Variants in CCDC12 observed in about 807,000 individuals in gnomAD.
CCDC12 encodes the protein coiled-coil domain containing 12, also known as coiled-coil domain-containing protein 12.
CCDC12 carries 28 observed loss-of-function variants against 25.7 expected under a neutral mutation model. The ratio of observed to expected loss-of-function variants is 1.09; its 90% CI spans 0.81 to 1.50. The LOEUF is 1.50. CCDC12 is among the 40% of genes most tolerant of loss of function. The pLI is 0.00. For synonymous variants in CCDC12, 75 were observed against 87.7 expected (o/e 0.86, Z 0.81); for missense variants, 198 against 210.0 (o/e 0.94, Z 0.35).
chr3:46,975,363 T>C (rs2034934318), intron 1 of CCDC12, among the ~76,000 whole-genome samples: 2 of 151,916 alleles, frequency 1.3e-5, no homozygotes, highest in South Asian at 4.2e-4. Context: ...TTTTGTATTT[T>C]CAGTAGAAAT....
upstream of CCDC12, chr3:46,979,757 C>G (rs1425477467): frequency 3.0e-6 from 1 of 337,028 alleles, no homozygotes; most frequent in African/African-American, 2.2e-5. Context: ...CGCTCCGCCC[C>G]GGAGTGACGC....
At chr3:46,934,889 C>T (rs1234564063) in intron 2 of CCDC12, among the ~76,000 whole-genome samples, 1 of 152,234 alleles carries the variant, frequency 6.6e-6, no homozygotes, top group Non-Finnish European at 1.5e-5. Flanking sequence ...CTGGTCGGTA[C>T]CACTACGGTG....
chr3:46,942,388 A>C (rs911833428), intron 1 of CCDC12, among the ~76,000 whole-genome samples: 1 of 152,246 alleles, frequency 6.6e-6, no homozygotes, highest in Admixed American at 6.5e-5. Context: ...TGACTCTCGC[A>C]GAGCAGTGTT....
chr3:46,962,597 G>A (rs1304107247), intron 1 of CCDC12, among the ~76,000 whole-genome samples: 1 of 152,100 alleles, frequency 6.6e-6, no homozygotes, highest in African/African-American at 2.4e-5. Flanking sequence ...GAGAAGAGGT[G>A]AAAGACATGA....
chr3:46,976,420 C>CG (rs1411281985), intron 1 of CCDC12: 2 of 1,420,930 alleles, frequency 1.4e-6, no homozygotes, highest in Admixed American at 5.9e-5. Flanking sequence ...TGCCCACCCC[C>CG]GCGCATGCGC....
chr3:46,936,780 C>G (rs2033458992), intron 2 of CCDC12, among the ~76,000 whole-genome samples: 1 of 152,126 alleles, frequency 6.6e-6, no homozygotes, highest in Admixed American at 6.5e-5. Flanking sequence ...GAACTGACCA[C>G]CAGGCAGGGG....
At chr3:46,948,267 T>G (rs17079331) in intron 1 of CCDC12, among the ~76,000 whole-genome samples, 10,449 of 152,282 alleles carry the variant, frequency 0.069, 1,202 homozygotes, top group African/African-American at 0.23. Context: ...AGGCTGGGAT[T>G]AGCTAAGAGC....
chr3:46,950,615 C>G (rs1189400060), intron 1 of CCDC12, among the ~76,000 whole-genome samples: 1 of 152,106 alleles, frequency 6.6e-6, no homozygotes, highest in Non-Finnish European at 1.5e-5. Context: ...ACATGCCCAG[C>G]CCATTTTTTA....
intron 1 of CCDC12, among the ~76,000 whole-genome samples, chr3:46,971,596 A>G (rs1188208380): frequency 6.6e-6 from 1 of 152,012 alleles, no homozygotes; most frequent in Non-Finnish European, 1.5e-5. Context: ...CATCTGCCAC[A>G]ACCTCAGGAC....
chr3:46,978,188 T>C (rs2035063490), upstream of CCDC12, among the ~76,000 whole-genome samples: 1 of 152,168 alleles, frequency 6.6e-6, no homozygotes, highest in Admixed American at 6.5e-5. Context: ...ACTAACCCTC[T>C]TGTCCTCACT....
At chr3:46,945,472 T>A (rs970250340) in intron 1 of CCDC12, among the ~76,000 whole-genome samples, 5 of 152,234 alleles carry the variant, frequency 3.3e-5, no homozygotes, top group African/African-American at 9.6e-5. Flanking sequence ...AAGAAGCCTT[T>A]GAGGCAGGAT....
At chr3:46,980,496 C>T (rs2035250118), upstream of CCDC12, among the ~76,000 whole-genome samples, 1 of 151,846 alleles carries the variant, frequency 6.6e-6, no homozygotes, top group African/African-American at 2.4e-5. Flanking sequence ...TTGAAATGAC[C>T]CACCCCACCC....
chr3:46,938,217 C>A (rs1326361166), intron 2 of CCDC12, among the ~76,000 whole-genome samples: 2 of 152,196 alleles, frequency 1.3e-5, no homozygotes, highest in Non-Finnish European at 2.9e-5. Flanking sequence ...CAGGGCCCTG[C>A]ACCTGCCCAG....
chr3:46,954,388 C>A (rs2034222990), intron 1 of CCDC12, among the ~76,000 whole-genome samples: 2 of 152,178 alleles, frequency 1.3e-5, no homozygotes, highest in Admixed American at 6.5e-5. Flanking sequence ...GACCTGAAAA[C>A]CTCAGTGGGT....
At chr3:46,980,373 G>C (rs937632627), upstream of CCDC12, among the ~76,000 whole-genome samples, 8 of 152,166 alleles carry the variant, frequency 5.3e-5, no homozygotes, top group African/African-American at 9.7e-5. Context: ...GGGTCTGGGG[G>C]TGTGGGCCAA....
intron 2 of CCDC12, among the ~76,000 whole-genome samples, chr3:46,938,518 G>A (rs1448756683): frequency 1.1e-5 from 1 of 91,380 alleles, no homozygotes; most frequent in South Asian, 4.3e-4. Context: ...TTCCCCTCCT[G>A]TTTTTTTTTT....
intron 2 of CCDC12, among the ~76,000 whole-genome samples, chr3:46,936,734 A>G (rs1038143041): frequency 6.6e-6 from 1 of 152,184 alleles, no homozygotes; most frequent in African/African-American, 2.4e-5. Context: ...GAAAAAAAAA[A>G]TTTAAAGCAT....
chr3:46,923,694 G>C, intron 3 of CCDC12, 26 bp from the exon 4 acceptor site: 1 of 1,490,494 alleles, frequency 6.7e-7, no homozygotes, highest in East Asian at 2.4e-5. Context: ...AAACAGAGAA[G>C]GCCTGTGGAA....
At chr3:46,949,661 G>T (rs1349749997) in intron 1 of CCDC12, among the ~76,000 whole-genome samples, 5 of 152,158 alleles carry the variant, frequency 3.3e-5, no homozygotes, top group Admixed American at 1.3e-4. Flanking sequence ...CTTTAACAGG[G>T]GCATGTGAGG....
Sources: allele counts gnomAD v4.1 joint callset (sites outside exome capture counted in the v4.1 genomes callset), GRCh38; gene constraint gnomAD v4.1.1; transcripts MANE v1.5; gene names NCBI Gene and HGNC (gene_info 2026-07-23, HGNC 2026-07-21).